Variants in ADAM9 observed in about 807,000 individuals in gnomAD.
The protein encoded by ADAM9 is ADAM metallopeptidase domain 9.
ADAM9 carries 54 observed loss-of-function variants against 108.1 expected under a neutral mutation model. The observed-to-expected ratio is 0.50, with a 90% CI of 0.40 to 0.63. ADAM9 has a LOEUF of 0.63. Ranked by LOEUF, ADAM9 falls within the 20% of genes least tolerant of loss-of-function variation. ADAM9 has a pLI of 0.00. For synonymous variants in ADAM9, 316 were observed against 336.0 expected, an observed-to-expected ratio of 0.94 and a Z score of 0.65; for missense variants, 830 against 997.7, an observed-to-expected ratio of 0.83 and a Z score of 2.26.
intron 14 of ADAM9, among the ~76,000 whole-genome samples, chr8:39,056,065 A>G (rs1004912372): frequency 3.3e-5 from 5 of 152,044 alleles, no homozygotes; most frequent in Admixed American, 6.6e-5. Flanking sequence ...AGGATCTGCT[A>G]TTTGCATTGT....
At chr8:39,058,922 T>C (rs1838209998) in intron 14 of ADAM9, among the ~76,000 whole-genome samples, 1 of 152,176 alleles carries the variant, frequency 6.6e-6, no homozygotes, top group Admixed American at 6.5e-5. Context: ...TGGCTGCTGA[T>C]TGAGAGCATA....
chr8:39,092,625 CAGT>C (rs1839392199), intron 20 of ADAM9, among the ~76,000 whole-genome samples: 1 of 151,212 alleles, frequency 6.6e-6, no homozygotes, highest in Admixed American at 6.6e-5. Context: ...GTAAATTTAA[CAGT>C]AGTGGTAAAA....
intron 9 of ADAM9, 22 bp downstream of exon 9, chr8:39,023,347 A>G (rs1836810600): frequency 6.3e-7 from 1 of 1,589,650 alleles, no homozygotes; most frequent in East Asian, 2.3e-5. Context: ...TTTTTTAAGT[A>G]CTATTAATGA....
intron 12 of ADAM9, among the ~76,000 whole-genome samples, chr8:39,050,189 A>C (rs1457854299): frequency 6.6e-6 from 1 of 151,866 alleles, no homozygotes; most frequent in African/African-American, 2.4e-5. Flanking sequence ...CTGCTTTCAA[A>C]ATTCTCTTTG....
intron 20 of ADAM9, among the ~76,000 whole-genome samples, chr8:39,092,333 C>T (rs1460242259): frequency 8.0e-6 from 1 of 124,540 alleles, no homozygotes; most frequent in African/African-American, 3.7e-5. Flanking sequence ...TATATTTATA[C>T]ACACACACAC....
chr8:39,103,789 T>C lies in ADAM9; in HGVS notation c.*89T>C, dbSNP rs1242147185. 7.8e-7 allele frequency: 1 copy of C among 1,278,096 alleles called. No homozygotes were observed. Among genetic ancestry groups the C allele is most frequent in the Non-Finnish European group, 1.1e-6 (1 of 884,308 alleles). The allele number at this position is 1,278,096 out of a possible 1,614,324, so 79.2% of individuals were successfully genotyped here. On this transcript the variant is annotated 3_prime_UTR_variant, in exon 22 of 22. Transcript: ENST00000487273. The stretch of plus-strand genomic sequence containing the variant: ...GATGTTTTCTTGAAAAGCCTTTCTG[T>C]TGCAACTATGAATGAAAACAAAACA...
At chr8:39,096,197 C>T (rs1257987538) in intron 20 of ADAM9, among the ~76,000 whole-genome samples, 1 of 148,876 alleles carries the variant, frequency 6.7e-6, no homozygotes, top group East Asian at 2.0e-4. Context: ...GTCATCACCT[C>T]AAGGATTTAT....
Position 39,045,373 on chromosome 8 carries a change from CATACACCTATAGGTGTGTGT to C in ADAM9, c.1302+3258_1302+3277del, listed in dbSNP as rs1837690796. On this transcript the variant is annotated intron_variant, in intron 12 of 21. Transcript: ENST00000487273. ...GTGTACATACATATAGGTGTGTGTA[CATACACCTATAGGTGTGTGT>C]ACACACACCTATATGTGCGCGTGTG... Among the ~76,000 whole-genome samples, 2 of 113,520 alleles carry C rather than the reference CATACACCTATAGGTGTGTGT, an allele frequency of 1.8e-5. 1 individual carries two copies. The highest frequency in any genetic ancestry group is 6.5e-5 in the African/African-American group (2 of 30,630). The allele number at this position is 113,520 out of a possible 152,430, so 74.5% of individuals were successfully genotyped here.
At chr8:39,008,840 ATTC>A (rs1328031604) in intron 2 of ADAM9, among the ~76,000 whole-genome samples, 1 of 152,172 alleles carries the variant, frequency 6.6e-6, no homozygotes, top group African/African-American at 2.4e-5. Context: ...TTTTTCTACT[ATTC>A]TTTTGTAAAG....
chr8:39,054,357 C>A (rs935177507), intron 12 of ADAM9, 124 bp from the exon 13 acceptor site: 5 of 828,466 alleles, frequency 6.0e-6, no homozygotes, highest in African/African-American at 3.4e-5. Flanking sequence ...GCAACTGTTT[C>A]TGGAGGGTAA....
intron 12 of ADAM9, among the ~76,000 whole-genome samples, chr8:39,051,390 G>C (rs2129438124): frequency 6.6e-6 from 1 of 152,312 alleles, no homozygotes; most frequent in East Asian, 1.9e-4. Context: ...CTCTCAACTA[G>C]TTTCTGGATT....
chr8:39,047,854 C>G (rs1029953371), intron 12 of ADAM9, among the ~76,000 whole-genome samples: 1 of 142,470 alleles, frequency 7.0e-6, no homozygotes, highest in African/African-American at 2.6e-5. Context: ...TTTCAGATTT[C>G]TTGGGTTGTA....
chr8:39,036,933 C>T (rs1837295511), intron 11 of ADAM9, among the ~76,000 whole-genome samples: 3 of 151,144 alleles, frequency 2.0e-5, no homozygotes, highest in South Asian at 4.2e-4. Context: ...AAGAAAATAT[C>T]CTTCAACTAC....
intron 12 of ADAM9, among the ~76,000 whole-genome samples, chr8:39,052,882 G>A (rs1371645831): frequency 6.6e-6 from 1 of 152,036 alleles, no homozygotes; most frequent in African/African-American, 2.4e-5. Flanking sequence ...AGATGGTAGA[G>A]GTATTTAACT....
At chr8:39,032,277 G>T (rs1195518558) in intron 11 of ADAM9, among the ~76,000 whole-genome samples, 1 of 152,270 alleles carries the variant, frequency 6.6e-6, no homozygotes, top group African/African-American at 2.4e-5. Flanking sequence ...TGCCCCAAGA[G>T]GTGGGATCTA....
intron 12 of ADAM9, among the ~76,000 whole-genome samples, chr8:39,050,283 C>G (rs186804268): frequency 6.6e-6 from 1 of 152,268 alleles, no homozygotes; most frequent in East Asian, 1.9e-4. Context: ...CTTCCTGCAT[C>G]TGGACGTCCA....
chr8:39,062,489 A>G (rs1838329358), intron 14 of ADAM9, among the ~76,000 whole-genome samples: 1 of 152,204 alleles, frequency 6.6e-6, no homozygotes, highest in South Asian at 2.1e-4. Context: ...CTTAGACAGA[A>G]ACAGTGTGAT....
At chr8:39,050,810 C>G (rs1837933085) in intron 12 of ADAM9, among the ~76,000 whole-genome samples, 1 of 144,382 alleles carries the variant, frequency 6.9e-6, no homozygotes, top group Admixed American at 7.0e-5. Flanking sequence ...GTTTCTCTTT[C>G]CAGGGAAAAG....
In ADAM9 at chr8:39,011,589, T is replaced by A. The variant is rs576667792; in HGVS notation, c.196-69T>A. The A allele has an allele frequency of 2.1e-6, 3 of 1,402,218 alleles. No individual in the cohort carries two copies. In the African/African-American group the frequency reaches 4.3e-5, roughly 20 times the overall value. 86.9% of individuals were successfully genotyped at this position (1,402,218 alleles called of 1,614,324 possible). On this transcript the variant is annotated intron_variant, in intron 2 of 21. Coordinates refer to ENST00000487273, the MANE Select transcript of ADAM9 (RefSeq NM_003816.3). ...TCAGGATGGAATTTCCTGCATCTTA[T>A]AAATGAGATGTTGTTGAAAAGTAAT... is the stretch of plus-strand genomic sequence containing the variant.
Sources: gnomAD v4.1 joint callset for allele counts (sites outside exome capture counted in the v4.1 genomes callset) on GRCh38, gnomAD v4.1.1 for gene constraint, MANE v1.5 for transcripts, NCBI Gene and HGNC (gene_info 2026-07-23, HGNC 2026-07-21) for gene names.